The following CFAP95 variants were observed in gnomAD, a reference collection of about 807,000 sequenced individuals.
CFAP95 encodes the protein cilia- and flagella-associated protein 95.
chr9:69,861,746 A>AC, the CFAP95 span, among the ~76,000 whole-genome samples: 16 of 151,118 alleles, frequency 1.1e-4, no homozygotes, highest in African/African-American at 2.0e-4. Context: ...AAAAAAAAAA[A>AC]AAAAAAACAC....
the CFAP95 span, among the ~76,000 whole-genome samples, chr9:69,838,261 C>T: frequency 1.3e-5 from 2 of 152,104 alleles, no homozygotes; most frequent in Admixed American, 6.5e-5. Context: ...TTTTCCAATT[C>T]TGTGAAGAAA....
chr9:69,867,527 T>A, the CFAP95 span, among the ~76,000 whole-genome samples: 2 of 152,168 alleles, frequency 1.3e-5, no homozygotes, highest in Non-Finnish European at 2.9e-5. Context: ...GCTGCAGCAC[T>A]TTTTTCCCTC....
chr9:69,898,520 T>C, the CFAP95 span, among the ~76,000 whole-genome samples: 1 of 152,280 alleles, frequency 6.6e-6, no homozygotes, highest in South Asian at 2.1e-4. Flanking sequence ...CTTTGCAGAG[T>C]TGATAGCTGT....
the CFAP95 span, among the ~76,000 whole-genome samples, chr9:69,872,238 A>G: frequency 6.6e-6 from 1 of 152,258 alleles, no homozygotes; most frequent in African/African-American, 2.4e-5. Context: ...TTAAATGTGT[A>G]TAGTGCTCTA....
At chr9:69,858,231 A>G in the CFAP95 span, 1 of 468,378 alleles carries the variant, frequency 2.1e-6, no homozygotes, top group East Asian at 4.1e-5. Context: ...AAATTTACCT[A>G]TTTGTATCCC....
At chr9:69,901,289 C>A in the CFAP95 span, among the ~76,000 whole-genome samples, 1 of 152,142 alleles carries the variant, frequency 6.6e-6, no homozygotes, top group Non-Finnish European at 1.5e-5. Flanking sequence ...AGGTGCCCGC[C>A]ACTACGCCCA....
chr9:69,887,372 T>C, the CFAP95 span, among the ~76,000 whole-genome samples: 1 of 152,216 alleles, frequency 6.6e-6, no homozygotes, highest in African/African-American at 2.4e-5. Flanking sequence ...CTGAAAATCT[T>C]AACCAGGGCA....
chr9:69,892,895 A>C, the CFAP95 span, among the ~76,000 whole-genome samples: 20 of 152,056 alleles, frequency 1.3e-4, no homozygotes, highest in Admixed American at 3.3e-4. Context: ...TCTCCATCCC[A>C]CTGAGAGCCA....
the CFAP95 span, among the ~76,000 whole-genome samples, chr9:69,844,137 T>C: frequency 1.3e-5 from 2 of 152,190 alleles, no homozygotes; most frequent in South Asian, 4.1e-4. Context: ...TAATTAAAAT[T>C]CATGGTAGAA....
the CFAP95 span, among the ~76,000 whole-genome samples, chr9:69,837,369 T>C: frequency 6.6e-6 from 1 of 151,888 alleles, no homozygotes; most frequent in Admixed American, 6.6e-5. Flanking sequence ...TGTTCCTGTT[T>C]CTCCACATCC....
the CFAP95 span, among the ~76,000 whole-genome samples, chr9:69,830,111 CTTG>C: frequency 3.9e-5 from 6 of 152,146 alleles, no homozygotes; most frequent in Admixed American, 6.5e-5. Context: ...TTTGCTTCAT[CTTG>C]TTGTGGAAGA....
the CFAP95 span, among the ~76,000 whole-genome samples, chr9:69,889,009 A>T: frequency 6.6e-6 from 1 of 152,216 alleles, no homozygotes; most frequent in South Asian, 2.1e-4. Flanking sequence ...TGATGACAAA[A>T]CTTGGAAAGT....
the CFAP95 span, among the ~76,000 whole-genome samples, chr9:69,895,740 AG>A: frequency 6.6e-6 from 1 of 152,146 alleles, no homozygotes; most frequent in Non-Finnish European, 1.5e-5. Context: ...TTCTTTTAGT[AG>A]AGAGATACCC....
chr9:69,839,809 C>A, the CFAP95 span, among the ~76,000 whole-genome samples: 4 of 151,790 alleles, frequency 2.6e-5, no homozygotes, highest in Non-Finnish European at 4.4e-5. Flanking sequence ...GGCGCAGTGG[C>A]TCCCGCCTGT....
At chr9:69,876,609 C>T in the CFAP95 span, among the ~76,000 whole-genome samples, 10 of 151,776 alleles carry the variant, frequency 6.6e-5, no homozygotes, top group East Asian at 9.7e-4. Flanking sequence ...TTTTATTGAT[C>T]CTCTTTTGGT....
At chr9:69,858,155 G>A in the CFAP95 span, 606 of 567,822 alleles carry the variant, frequency 1.1e-3, no homozygotes, top group African/African-American at 8.2e-3. Flanking sequence ...ATTAATAACC[G>A]TAATAATAAA....
At chr9:69,868,415 T>C in the CFAP95 span, among the ~76,000 whole-genome samples, 5 of 152,206 alleles carry the variant, frequency 3.3e-5, no homozygotes, top group East Asian at 5.8e-4. Context: ...CCCAGCACTT[T>C]GGGAGGCCAA....
chr9:69,897,772 G>T, the CFAP95 span, among the ~76,000 whole-genome samples: 1 of 152,152 alleles, frequency 6.6e-6, no homozygotes, highest in African/African-American at 2.4e-5. Context: ...AGACCCCATT[G>T]TTTAAAGATA....
chr9:69,894,123 C>A, the CFAP95 span, among the ~76,000 whole-genome samples: 1 of 152,150 alleles, frequency 6.6e-6, no homozygotes, highest in East Asian at 1.9e-4. Flanking sequence ...AATATCTTGT[C>A]TGAAAGATCT....
Sources: allele counts gnomAD v4.1 joint callset (sites outside exome capture counted in the v4.1 genomes callset), GRCh38; gene constraint gnomAD v4.1.1; transcripts MANE v1.5; gene names NCBI Gene and HGNC (gene_info 2026-07-23, HGNC 2026-07-21).